The following TMEM163 variants were observed in gnomAD, a reference collection of about 807,000 sequenced individuals.
TMEM163 encodes the protein transmembrane protein 163.
Under a neutral mutation model 29.3 loss-of-function variants are expected in TMEM163, and 17 were observed. The ratio of observed to expected loss-of-function variants is 0.58; its 90% CI spans 0.40 to 0.87. The LOEUF is 0.87. Among genes scored for constraint, TMEM163 ranks in the 40% least tolerant of loss-of-function variants. The pLI is 0.00. For synonymous variants in TMEM163, 157 were observed against 160.6 expected, an observed-to-expected ratio of 0.98 and a Z score of 0.17; for missense variants, 303 against 381.5, an observed-to-expected ratio of 0.79 and a Z score of 1.71.
intron 2 of TMEM163, among the ~76,000 whole-genome samples, chr2:134,703,713 A>G (rs142221404): frequency 0.029 from 4,455 of 152,192 alleles, 78 homozygotes; most frequent in African/African-American, 0.046. Flanking sequence ...TATTTACACA[A>G]GTAAATACAG....
Position 134,545,117 on chromosome 2 carries a change from C to T in TMEM163, c.458+5453G>A, listed in dbSNP as rs146358908. ...ACCACACATGCTATTTTGTGTCATG[C>T]TCTCTTCACTTAATGCAGCTTGGAG... On this transcript the variant is annotated intron_variant, in intron 4 of 7. Transcript: ENST00000281924. Among the ~76,000 whole-genome samples the T allele has an allele frequency of 1.1e-3, 163 of 152,278 alleles. 1 individual carries two copies. In the East Asian group the frequency reaches 0.026, roughly 24 times the overall value.
At chr2:134,478,844 C>T (rs1574162388) in intron 5 of TMEM163, among the ~76,000 whole-genome samples, 1 of 152,210 alleles carries the variant, frequency 6.6e-6, no homozygotes, top group South Asian at 2.1e-4. Flanking sequence ...TCAAGTCAGC[C>T]CCTCTCATCG....
At chr2:134,678,200 C>T (rs1684155592) in intron 2 of TMEM163, among the ~76,000 whole-genome samples, 1 of 152,202 alleles carries the variant, frequency 6.6e-6, no homozygotes, top group East Asian at 1.9e-4. Flanking sequence ...CAAACACCCA[C>T]GGGTAAAGGG....
At chr2:134,510,120 T>C (rs1353707341) in intron 4 of TMEM163, among the ~76,000 whole-genome samples, 1 of 152,084 alleles carries the variant, frequency 6.6e-6, no homozygotes, top group Non-Finnish European at 1.5e-5. Context: ...ACATAACGGA[T>C]CTTAGACGGC....
chr2:134,467,209 G>A (rs1272004963), intron 5 of TMEM163: 1 of 152,200 alleles, frequency 6.6e-6, no homozygotes, highest in Non-Finnish European at 1.5e-5. Flanking sequence ...GACGGTGGTG[G>A]TTTTGGCAAC....
At chr2:134,596,803 T>C (rs1005650126) in intron 2 of TMEM163, among the ~76,000 whole-genome samples, 2 of 152,184 alleles carry the variant, frequency 1.3e-5, no homozygotes, top group South Asian at 2.1e-4. Flanking sequence ...CAGTGGTTTG[T>C]AGTTCTCCTT....
At chr2:134,535,943 G>A (rs967866126) in intron 4 of TMEM163, among the ~76,000 whole-genome samples, 1 of 152,050 alleles carries the variant, frequency 6.6e-6, no homozygotes, top group Non-Finnish European at 1.5e-5. Context: ...GGCTGATCTC[G>A]AACTCTTGAC....
chr2:134,622,079 G>T (rs146432120), intron 2 of TMEM163, among the ~76,000 whole-genome samples: 1 of 152,178 alleles, frequency 6.6e-6, no homozygotes, highest in African/African-American at 2.4e-5. Flanking sequence ...TGTGTATTGC[G>T]TGGTTCGATT....
rs141876155 is a variant in TMEM163 at position 134,692,931 on chromosome 2, A to G, written c.322+20269T>C. 5.3e-5 allele frequency among the ~76,000 whole-genome samples: 8 copies of G among 152,254 alleles called. No homozygotes were observed. The East Asian group carries it at 1.5e-3, about 29-fold the overall frequency. On this transcript the variant is annotated intron_variant, in intron 2 of 7. Coordinates refer to ENST00000281924, the MANE Select transcript of TMEM163 (RefSeq NM_030923.5). The stretch of plus-strand genomic sequence containing the variant: ...ACCACATTGCCTCAGTCATTGCCCT[A>G]AAGCAAAACACTCCCAAATCCATCT...
At chr2:134,675,988 C>T (rs940164554) in intron 2 of TMEM163, among the ~76,000 whole-genome samples, 2 of 152,090 alleles carry the variant, frequency 1.3e-5, no homozygotes, top group African/African-American at 2.4e-5. Context: ...CTCCTGAGCA[C>T]CCCACCCCAC....
At chr2:134,518,921 A>G (rs934109886) in intron 4 of TMEM163, among the ~76,000 whole-genome samples, 1 of 152,182 alleles carries the variant, frequency 6.6e-6, no homozygotes, top group Admixed American at 6.5e-5. Context: ...TGTCAAAATA[A>G]AAGGAAAGCA....
intron 5 of TMEM163, among the ~76,000 whole-genome samples, chr2:134,499,204 G>T (rs1679648083): frequency 6.6e-6 from 1 of 152,218 alleles, no homozygotes; most frequent in African/African-American, 2.4e-5. Context: ...TAAAAAAGAT[G>T]CAGTCGGGGA....
At chr2:134,516,690 T>C (rs1332386649) in intron 4 of TMEM163, among the ~76,000 whole-genome samples, 1 of 131,394 alleles carries the variant, frequency 7.6e-6, no homozygotes, top group East Asian at 2.4e-4. Flanking sequence ...TATATGCATA[T>C]ATATGCATAT....
At chr2:134,458,307 G>A in intron 6 of TMEM163, 134 bp from the exon 7 acceptor site, 1 of 1,039,542 alleles carries the variant, frequency 9.6e-7, no homozygotes, top group Non-Finnish European at 1.4e-6. Context: ...ACGAGTGATA[G>A]CCACCACCTG....
chr2:134,687,588 G>A (rs970997348), intron 2 of TMEM163, among the ~76,000 whole-genome samples: 4 of 152,174 alleles, frequency 2.6e-5, no homozygotes, highest in African/African-American at 9.7e-5. Context: ...TGGCGAAGGT[G>A]GCAAAACTCG....
In TMEM163 at chr2:134,486,234, C is replaced by A. The variant is rs188537081; in HGVS notation, c.555+16667G>T. Among the ~76,000 whole-genome samples, 4 of 152,252 alleles carry A rather than the reference C, an allele frequency of 2.6e-5. No individual in the cohort carries two copies. In the East Asian group the frequency reaches 7.7e-4, roughly 29 times the overall value. ...ATAAAACAGAAAAAAGAATTAAGTG[C>A]CAACTGCTAAAACCAAAAAGATAAA... On this transcript the variant is annotated intron_variant, in intron 5 of 7. Coordinates refer to ENST00000281924, the MANE Select transcript of TMEM163 (RefSeq NM_030923.5).
Position 134,662,447 on chromosome 2 carries a change from G to C in TMEM163, c.322+50753C>G, listed in dbSNP as rs143243961. ...ATATGGGGGAGGCAGAGCCAGAATG[G>C]GTATTGGTTAAAAAGATGAGACTAA... On this transcript the variant is annotated intron_variant, in intron 2 of 7. Transcript: ENST00000281924. Among the ~76,000 whole-genome samples the C allele has an allele frequency of 4.9e-4, 75 of 152,184 alleles. No individual in the cohort carries two copies. The South Asian group carries it at 6.5e-3, about 13-fold the overall frequency.
intron 2 of TMEM163, among the ~76,000 whole-genome samples, chr2:134,578,784 C>T (rs943549418): frequency 6.6e-6 from 1 of 151,884 alleles, no homozygotes; most frequent in Non-Finnish European, 1.5e-5. Context: ...GTGTGAGAGG[C>T]AGTGTGTGTG....
intron 2 of TMEM163, among the ~76,000 whole-genome samples, chr2:134,631,593 G>C (rs1682972428): frequency 6.6e-6 from 1 of 152,212 alleles, no homozygotes; most frequent in Non-Finnish European, 1.5e-5. Flanking sequence ...CAAATCCAAT[G>C]CCAGAGCACT....
Sources: allele counts gnomAD v4.1 joint callset (sites outside exome capture counted in the v4.1 genomes callset), GRCh38; gene constraint gnomAD v4.1.1; transcripts MANE v1.5; gene names NCBI Gene and HGNC (gene_info 2026-07-23, HGNC 2026-07-21).